Variants in ZNF609 observed in about 807,000 individuals in gnomAD.
ZNF609 encodes the protein zinc finger protein 609.
ZNF609 carries 11 observed loss-of-function variants against 109.5 expected under a neutral mutation model. The observed-to-expected ratio is 0.10, with a 90% confidence interval of 0.06 to 0.17. The LOEUF is 0.17. Ranked by LOEUF, ZNF609 falls within the 10% of genes least tolerant of loss-of-function variation. The pLI is 1.00. For synonymous variants in ZNF609, 646 were observed against 662.0 expected (o/e 0.98, Z 0.37); for missense variants, 1,559 against 1,772.4 (o/e 0.88, Z 2.16).
chr15:64,492,544 A>C (rs917758956), intron 1 of ZNF609, among the ~76,000 whole-genome samples: 3 of 152,020 alleles, frequency 2.0e-5, no homozygotes, highest in Admixed American at 6.6e-5. Flanking sequence ...TCTTCTTTTT[A>C]TTTTTATTTT....
In ZNF609 at chr15:64,460,665, G is replaced by C. The variant is rs1164713064; in HGVS notation, c.-301G>C. The C allele has an allele frequency of 1.9e-5, 3 of 156,518 alleles. No individual in the cohort carries two copies. Among genetic ancestry groups the C allele is most frequent in the Non-Finnish European group, 4.1e-5 (3 of 73,046 alleles). The allele number at this position is 156,518 out of a possible 1,614,324, so 9.7% of individuals were successfully genotyped here. On this transcript the variant is annotated 5_prime_UTR_variant, in exon 1 of 10. Transcript: ENST00000326648. ...ACAGCGGCACCGGCCGGGCGGGGCG[G>C]AGAGGCGCGGGGAGGGGGCAGAGAG...
At chr15:64,466,076 A>G (rs1017924986) in intron 1 of ZNF609, among the ~76,000 whole-genome samples, 3 of 139,698 alleles carry the variant, frequency 2.1e-5, no homozygotes, top group Non-Finnish European at 4.5e-5. Flanking sequence ...AGATTGCGCC[A>G]TCGCACTCCA....
At position 64,576,982 on chromosome 15, in the gene ZNF609, G is replaced by GTATATATACACATAAATATA. The variant is rs1257610288; in HGVS notation, c.748-45842_748-45841insATATACACATAAATATATAT. On this transcript the variant is annotated intron_variant, in intron 2 of 9. Transcript: ENST00000326648. ...TATATATACACATAAATATATATAT[G>GTATATATACACATAAATATA]TATGTATACACATAAATATATATAT... Among the ~76,000 whole-genome samples the GTATATATACACATAAATATA allele has an allele frequency of 3.8e-4, 46 of 122,444 alleles. 7 individuals carry two copies. Among genetic ancestry groups the GTATATATACACATAAATATA allele is most frequent in the African/African-American group, 1.2e-3 (39 of 31,738 alleles). 80.3% of individuals were successfully genotyped at this position (122,444 alleles called of 152,430 possible). A position where few individuals can be genotyped will look rare whatever the true frequency, so the allele number is the denominator to read the frequency against.
intron 2 of ZNF609, among the ~76,000 whole-genome samples, chr15:64,545,591 A>T (rs1248327407): frequency 5.9e-5 from 9 of 152,192 alleles, no homozygotes. Flanking sequence ...TGTGAAATGG[A>T]TGCATCTGTT....
At chr15:64,638,015 T>TATAA (rs1264442722) in intron 3 of ZNF609, among the ~76,000 whole-genome samples, 85 of 139,180 alleles carry the variant, frequency 6.1e-4, no homozygotes, top group African/African-American at 1.9e-3. Context: ...TATATATATA[T>TATAA]AAAATATATA....
rs560654725 is a variant in ZNF609, at chr15:64,560,193, A to G, written c.747+60027A>G. On this transcript the variant is annotated intron_variant, in intron 2 of 9. Coordinates refer to ENST00000326648, the MANE Select transcript of ZNF609 (RefSeq NM_015042.2). ...CCCGAGTAGCTGGGACTACAGGTGC[A>G]TGCCACCACACCTGGCTAATTTTTT... Among the ~76,000 whole-genome samples, 104 of 151,964 alleles carry G rather than the reference A, an allele frequency of 6.8e-4. 1 individual carries two copies. The highest frequency in any genetic ancestry group is 2.5e-3 in the African/African-American group (103 of 41,480).
At chr15:64,527,577 G>C (rs2140369069) in intron 2 of ZNF609, among the ~76,000 whole-genome samples, 4 of 152,230 alleles carry the variant, frequency 2.6e-5, no homozygotes, top group Admixed American at 2.6e-4. Flanking sequence ...TTGCCTAACA[G>C]ATTTCCTTGC....
chr15:64,637,994 TTATATA>T lies in ZNF609; in HGVS notation c.973+14959_973+14964del, dbSNP rs3057845. Among the ~76,000 whole-genome samples the T allele has an allele frequency of 8.3e-3, 1,118 of 134,340 alleles. 20 individuals are homozygous for T. The highest frequency in any genetic ancestry group is 0.029 in the African/African-American group (1,075 of 37,232). The allele number at this position is 134,340 out of a possible 152,430, so 88.1% of individuals were successfully genotyped here. On this transcript the variant is annotated intron_variant, in intron 3 of 9. Coordinates refer to ENST00000326648, the MANE Select transcript of ZNF609 (RefSeq NM_015042.2). The stretch of plus-strand genomic sequence containing the variant: ...CTATGTTTTTTCTGAGAACCTTGTT[TTATATA>T]TATATATATATATATAAAATATATA...
At chr15:64,573,535 T>G (rs139286522) in intron 2 of ZNF609, among the ~76,000 whole-genome samples, 1,960 of 151,554 alleles carry the variant, frequency 0.013, 34 homozygotes, top group African/African-American at 0.046. Flanking sequence ...AATTTTTTTT[T>G]TTTTGTATTT....
At chr15:64,603,685 C>A (rs542697188) in intron 2 of ZNF609, among the ~76,000 whole-genome samples, 1 of 152,024 alleles carries the variant, frequency 6.6e-6, no homozygotes, top group East Asian at 1.9e-4. Flanking sequence ...TTTTCTTGTT[C>A]CTCTGTTGAA....
intron 2 of ZNF609, among the ~76,000 whole-genome samples, chr15:64,543,107 T>C (rs1412129637): frequency 6.6e-6 from 1 of 152,154 alleles, no homozygotes; most frequent in African/African-American, 2.4e-5. Flanking sequence ...CGTGTATACC[T>C]ATGTAACAAA....
intron 1 of ZNF609, among the ~76,000 whole-genome samples, chr15:64,461,170 A>G (rs898812794): frequency 8.8e-6 from 1 of 113,074 alleles, no homozygotes; most frequent in Non-Finnish European, 1.8e-5. Context: ...GAGTCTGGGT[A>G]TGTTGAGGGC....
rs1338850798 is a variant in ZNF609 at position 64,491,737 on chromosome 15, C to T, written c.-127-7556C>T. ...TGGCGCCCCTCCAATCCCAGCTACT[C>T]GGGAGGCTGAGGCAGAAGAATCGCT... On this transcript the variant is annotated intron_variant, in intron 1 of 9. Coordinates refer to ENST00000326648, the MANE Select transcript of ZNF609 (RefSeq NM_015042.2). Among the ~76,000 whole-genome samples the T allele has an allele frequency of 5.9e-5, 9 of 152,072 alleles. No individual in the cohort carries two copies. In the South Asian group the frequency reaches 1.2e-3, roughly 21 times the overall value.
At chr15:64,568,086 A>G (rs115426317) in intron 2 of ZNF609, among the ~76,000 whole-genome samples, 28 of 152,292 alleles carry the variant, frequency 1.8e-4, no homozygotes, top group African/African-American at 6.5e-4. Context: ...TGCTTTATCT[A>G]TATATGTGAT....
In ZNF609 at chr15:64,499,973, TC is replaced by T; in HGVS notation, c.556del (p.Leu186SerfsTer30). Reference sequence around the variant, plus strand: ...ACTTGTTCAGAAAAGGATCCTGGGGTCCTCCAGCCAGTTCCCTTGGGAGGAC... The same window carrying T: ...ACTTGTTCAGAAAAGGATCCTGGGGTCTCCAGCCAGTTCCCTTGGGAGGAC... ...VGTCSEKDPG[V>X]LQPVPLGGRG... On this transcript the variant is annotated frameshift_variant, in exon 2 of 10. Transcript: ENST00000326648. LOFTEE classifies it high-confidence loss of function. 6.2e-7 allele frequency: 1 copy of T among 1,613,368 alleles called. No homozygotes were observed.
chr15:64,628,259 C>T (rs1896004478), intron 3 of ZNF609, among the ~76,000 whole-genome samples: 1 of 151,922 alleles, frequency 6.6e-6, no homozygotes, highest in Non-Finnish European at 1.5e-5. Flanking sequence ...TATGATTGTG[C>T]CACTGCATTC....
intron 2 of ZNF609, among the ~76,000 whole-genome samples, chr15:64,591,724 A>ATT (rs771812223): frequency 2.1e-5 from 3 of 142,674 alleles, no homozygotes; most frequent in Admixed American, 1.4e-4. Context: ...ACTAAAAATA[A>ATT]TTTTTTTTTT....
intron 3 of ZNF609, among the ~76,000 whole-genome samples, chr15:64,644,157 ACAAC>A (rs1377193992): frequency 3.9e-5 from 6 of 152,280 alleles, no homozygotes; most frequent in Admixed American, 3.3e-4. Flanking sequence ...ATTTTAAACA[ACAAC>A]ATCTTGTCCA....
chr15:64,561,722 CT>C (rs1380682273), intron 2 of ZNF609, among the ~76,000 whole-genome samples: 1 of 151,896 alleles, frequency 6.6e-6, no homozygotes, highest in Non-Finnish European at 1.5e-5. Flanking sequence ...TCATTCCTGA[CT>C]TTTTTTCAGA....
Sources: allele counts gnomAD v4.1 joint callset (sites outside exome capture counted in the v4.1 genomes callset), GRCh38; gene constraint gnomAD v4.1.1; transcripts MANE v1.5; gene names NCBI Gene and HGNC (gene_info 2026-07-23, HGNC 2026-07-21).